Variants in ELAVL1 observed in about 807,000 individuals in gnomAD.
ELAVL1 encodes ELAV-like protein 1.
A neutral mutation model predicts 28.4 loss-of-function variants in ELAVL1; 1 was observed. The ratio of observed to expected loss-of-function variants is 0.04; its 90% CI spans 0.01 to 0.17. The LOEUF (loss-of-function observed/expected upper bound fraction) is 0.17, where lower values mean the gene tolerates loss of function less well. Among genes scored for constraint, ELAVL1 ranks in the 10% least tolerant of loss-of-function variants. The pLI is 1.00. For missense variants in ELAVL1, 157 were observed against 447.2 expected (o/e 0.35, Z 5.85); for synonymous variants, 174 against 183.5 (o/e 0.95, Z 0.42).
chr19:7,963,399 C>T lies in ELAVL1; in HGVS notation c.*84G>A. The T allele has an allele frequency of 6.7e-7, 1 of 1,485,730 alleles. No individual in the cohort carries two copies. The highest frequency in any genetic ancestry group is 9.0e-7 in the Non-Finnish European group (1 of 1,106,572). The allele number at this position is 1,485,730 out of a possible 1,614,324, so 92.0% of individuals were successfully genotyped here. A position where few individuals can be genotyped will look rare whatever the true frequency, so the allele number is the denominator to read the frequency against. On this transcript the variant is annotated 3_prime_UTR_variant, in exon 6 of 6. Coordinates refer to ENST00000407627, the MANE Select transcript of ELAVL1 (RefSeq NM_001419.3). This position sits in a 1 kb window ranked among gnomAD's most constrained non-coding sequence, Gnocchi z 4.5. ...AGACAAACACTTGTGAAAATTGGCG[C>T]AAAATGAGTTGTACACTAACAAGAA...
chr19:7,967,548 G>A lies in ELAVL1; in HGVS notation c.656+17C>T, dbSNP rs3826740. 395,476 of 1,610,604 alleles carry A rather than the reference G, an allele frequency of 0.25. 52,295 individuals carry two copies. Among genetic ancestry groups the A allele is most frequent in the East Asian group, 0.5 (22,584 of 44,788 alleles). On this transcript the variant is annotated intron_variant, in intron 5 of 5. Transcript: ENST00000407627. ...GGCTAAGTATGGCTTTCAGGAGCGC[G>A]CACCCTCCCGACCCACCTGAATCTC... is the stretch of plus-strand genomic sequence containing the variant.
chr19:7,996,994 A>C (rs1479537987), intron 1 of ELAVL1, among the ~76,000 whole-genome samples: 1 of 152,240 alleles, frequency 6.6e-6, no homozygotes, highest in Non-Finnish European at 1.5e-5. Flanking sequence ...GAATGGCTAA[A>C]GCAAAATAAA....
chr19:7,965,070 G>A (rs1182475277), intron 5 of ELAVL1, among the ~76,000 whole-genome samples: 1 of 152,210 alleles, frequency 6.6e-6, no homozygotes, highest in Non-Finnish European at 1.5e-5. Context: ...AGCTGCCATG[G>A]GGCAGCTCAC....
At chr19:7,995,916 C>T (rs552073902) in intron 1 of ELAVL1, among the ~76,000 whole-genome samples, 1 of 146,172 alleles carries the variant, frequency 6.8e-6, no homozygotes, top group Non-Finnish European at 1.5e-5. Flanking sequence ...AGTCAGAACA[C>T]TTTTTTTTTT....
At chr19:8,000,354 G>A (rs1328148973) in intron 1 of ELAVL1, among the ~76,000 whole-genome samples, 1 of 152,202 alleles carries the variant, frequency 6.6e-6, no homozygotes, top group Non-Finnish European at 1.5e-5. Flanking sequence ...CGCATATCCA[G>A]GGGAGAGAGA....
Position 7,970,622 on chromosome 19 carries a change from G to A in ELAVL1, c.431-2832C>T, listed in dbSNP as rs185693910. Among the ~76,000 whole-genome samples the A allele has an allele frequency of 2.5e-3, 384 of 151,984 alleles. 4 individuals are homozygous for A. Among genetic ancestry groups the A allele is most frequent in the African/African-American group, 8.8e-3 (366 of 41,432 alleles). ...AATTTAACAGCAGAGTCCAAGAAAC[G>A]GCATAATCTCCAGATGAATACACTA... is the stretch of plus-strand genomic sequence containing the variant. On this transcript the variant is annotated intron_variant, in intron 4 of 5. Coordinates refer to ENST00000407627, the MANE Select transcript of ELAVL1 (RefSeq NM_001419.3).
chr19:7,998,982 T>C (rs920117785), intron 1 of ELAVL1, among the ~76,000 whole-genome samples: 9 of 152,324 alleles, frequency 5.9e-5, no homozygotes, highest in Non-Finnish European at 1.2e-4. Flanking sequence ...CTCATTTTGT[T>C]GCCCATGCTG....
rs145288081 is a variant in ELAVL1 at position 7,981,355 on chromosome 19, CTTTTT to C, written c.173-174_173-170del. On this transcript the variant is annotated intron_variant, in intron 2 of 5. Coordinates refer to ENST00000407627, the MANE Select transcript of ELAVL1 (RefSeq NM_001419.3). The surrounding 1 kb of genome is among the most constrained non-coding windows in gnomAD (Gnocchi z 4.2). ...CATTTTCTGCAATGAACACAGGTTC[CTTTTT>C]TTTTTTTTTTTTAAAGAGATAGGAT... 1.4e-5 allele frequency among the ~76,000 whole-genome samples: 2 copies of C among 140,706 alleles called. No individual in the cohort carries two copies. The highest frequency in any genetic ancestry group is 1.4e-4 in the Admixed American group (2 of 14,006). 92.3% of individuals were successfully genotyped at this position (140,706 alleles called of 152,430 possible). A position where few individuals can be genotyped will look rare whatever the true frequency, so the allele number is the denominator to read the frequency against.
chr19:7,998,672 G>A (rs2081057455), intron 1 of ELAVL1, among the ~76,000 whole-genome samples: 3 of 152,068 alleles, frequency 2.0e-5, no homozygotes, highest in Non-Finnish European at 4.4e-5. Flanking sequence ...TAAAGAGATG[G>A]GGGTCTCTCT....
chr19:7,987,532 C>T (rs1228854007), intron 2 of ELAVL1, among the ~76,000 whole-genome samples: 12 of 152,208 alleles, frequency 7.9e-5, no homozygotes, highest in Non-Finnish European at 1.6e-4. Flanking sequence ...CAGCCAGAAA[C>T]ATTCCGAGTC....
intron 3 of ELAVL1, 134 bp from the exon 4 acceptor site, chr19:7,974,012 C>T (rs964339826): frequency 1.2e-5 from 14 of 1,172,964 alleles, no homozygotes; most frequent in Middle Eastern, 2.0e-4. Flanking sequence ...TCATCACTGA[C>T]GCTCACCGCC....
At chr19:7,966,660 C>T (rs556051871) in intron 5 of ELAVL1, among the ~76,000 whole-genome samples, 1 of 152,186 alleles carries the variant, frequency 6.6e-6, no homozygotes. Context: ...CACTCTATCA[C>T]CCAGGCTGCA....
intron 3 of ELAVL1, among the ~76,000 whole-genome samples, chr19:7,978,229 G>GA (rs1231374814): frequency 6.6e-6 from 1 of 152,212 alleles, no homozygotes; most frequent in Non-Finnish European, 1.5e-5. Context: ...AAAACTCCTG[G>GA]AATTTCTGTC....
intron 1 of ELAVL1, among the ~76,000 whole-genome samples, chr19:7,994,547 A>C (rs1985829710): frequency 6.6e-6 from 1 of 152,254 alleles, no homozygotes; most frequent in Non-Finnish European, 1.5e-5. Context: ...ATGGCTCGTA[A>C]GTCCAGAAAA....
intron 4 of ELAVL1, among the ~76,000 whole-genome samples, chr19:7,971,783 C>T (rs1309103856): frequency 3.3e-5 from 5 of 152,238 alleles, no homozygotes; most frequent in African/African-American, 7.2e-5. Context: ...CCAGCGGGAA[C>T]GAAGGCCGGC....
intron 4 of ELAVL1, among the ~76,000 whole-genome samples, chr19:7,972,156 T>C (rs759817): frequency 0.68 from 103,821 of 152,168 alleles, 35,759 homozygotes; most frequent in African/African-American, 0.75. Flanking sequence ...AGGGAGTGGA[T>C]TCTTCCCTGC....
At chr19:8,003,608 C>T (rs1211625437) in intron 1 of ELAVL1, among the ~76,000 whole-genome samples, 7 of 149,168 alleles carry the variant, frequency 4.7e-5, no homozygotes, top group African/African-American at 1.7e-4. Flanking sequence ...AGAAGAATGG[C>T]GTGAACCCGG....
rs1303711905 is a variant in ELAVL1, at chr19:7,983,853, G to T, written c.173-2667C>A. ...GTGATCCTGACTGGTCCCCTAGGAT[G>T]GTCACTGCCCTGGGGACCGTTTCAG... On this transcript the variant is annotated intron_variant, in intron 2 of 5. Transcript: ENST00000407627. Among the ~76,000 whole-genome samples, 7 of 152,206 alleles carry T rather than the reference G, an allele frequency of 4.6e-5. No homozygotes were observed. In the East Asian group the frequency reaches 1.4e-3, roughly 29 times the overall value.
intron 2 of ELAVL1, among the ~76,000 whole-genome samples, chr19:7,988,742 C>T (rs2145220157): frequency 6.6e-6 from 1 of 152,372 alleles, no homozygotes. Flanking sequence ...CAACACCCTG[C>T]AGTGTCCAGT....
Sources: gnomAD v4.1 joint callset for allele counts (sites outside exome capture counted in the v4.1 genomes callset) on GRCh38, gnomAD v4.1.1 for gene constraint, Gnocchi (gnomAD v3.1) non-coding constraint, MANE v1.5 for transcripts, NCBI Gene and HGNC (gene_info 2026-07-23, HGNC 2026-07-21) for gene names.